NDUFA7: variants seen among roughly 807,000 people sequenced by gnomAD.
NDUFA7 encodes NADH:ubiquinone oxidoreductase subunit A7.
Under a neutral mutation model 14.2 loss-of-function variants are expected in NDUFA7, and 18 were observed. The ratio of observed to expected loss-of-function variants is 1.27; its 90% confidence interval spans 0.88 to 1.88. NDUFA7 has a LOEUF of 1.88. Among genes scored for constraint, NDUFA7 ranks in the 40% most tolerant of loss-of-function variants. The pLI, the probability that NDUFA7 is intolerant of heterozygous loss-of-function variation, is 0.00. For missense variants in NDUFA7, 172 were observed against 147.3 expected, an observed-to-expected ratio of 1.17 and a Z score of -0.87; for synonymous variants, 75 against 62.1, an observed-to-expected ratio of 1.21 and a Z score of -0.98.
At chr19:8,321,084 C>G (rs1970301362) in intron 1 of NDUFA7, 178 bp from the exon 2 acceptor site, 1 of 870,792 alleles carries the variant, frequency 1.1e-6, no homozygotes. Flanking sequence ...TCCGGGCCCA[C>G]AGATCCAAGG....
At chr19:8,318,266 T>C (rs1481816789) in intron 2 of NDUFA7, among the ~76,000 whole-genome samples, 2 of 152,058 alleles carry the variant, frequency 1.3e-5, no homozygotes, top group African/African-American at 2.4e-5. Flanking sequence ...TTTTCCTGCA[T>C]CAGCCTCCCA....
chr19:8,316,869 A>C, intron 2 of NDUFA7: 5 of 509,878 alleles, frequency 9.8e-6, no homozygotes, highest in South Asian at 5.0e-5. Flanking sequence ...TGAAGATGCC[A>C]CCCCCAGGGA....
At chr19:8,313,199 G>A (rs1022393653) in intron 3 of NDUFA7, among the ~76,000 whole-genome samples, 10 of 151,346 alleles carry the variant, frequency 6.6e-5, no homozygotes, top group Non-Finnish European at 1.5e-4. Flanking sequence ...GGGATTACAG[G>A]CACACACCAC....
rs958063271 is a variant in NDUFA7, at chr19:8,311,422, C to T, written c.*83G>A. 9.3e-6 allele frequency: 10 copies of T among 1,069,930 alleles called. No individual in the cohort carries two copies. The highest frequency in any genetic ancestry group is 2.6e-5 in the East Asian group (1 of 39,194). The allele number at this position is 1,069,930 out of a possible 1,614,324, so 66.3% of individuals were successfully genotyped here. A position where few individuals can be genotyped will look rare whatever the true frequency, so the allele number is the denominator to read the frequency against. ...AACTAGAAGTGATACCTGAGCTCTA[C>T]GTATTTGTCATAAATTAGGTCACAT... On this transcript the variant is annotated 3_prime_UTR_variant, in exon 4 of 4. Transcript: ENST00000301457.
At chr19:8,316,170 A>T (rs1402176568) in intron 3 of NDUFA7, among the ~76,000 whole-genome samples, 3 of 148,596 alleles carry the variant, frequency 2.0e-5, no homozygotes, top group Non-Finnish European at 4.4e-5. Context: ...AAAAAAAAAA[A>T]TTGACCCAGC....
intron 2 of NDUFA7, among the ~76,000 whole-genome samples, chr19:8,318,440 G>A (rs528591992): frequency 6.6e-6 from 1 of 152,068 alleles, no homozygotes; most frequent in Non-Finnish European, 1.5e-5. Flanking sequence ...GAGCCACCAT[G>A]CCCAGTCAGA....
intron 2 of NDUFA7, among the ~76,000 whole-genome samples, chr19:8,317,549 G>T (rs1970249899): frequency 6.6e-6 from 1 of 152,182 alleles, no homozygotes; most frequent in African/African-American, 2.4e-5. Context: ...GGGCTTTCCA[G>T]AGAGAGGGAG....
At chr19:8,319,988 C>T (rs1970282230) in intron 2 of NDUFA7, among the ~76,000 whole-genome samples, 1 of 151,912 alleles carries the variant, frequency 6.6e-6, no homozygotes, top group South Asian at 2.1e-4. Context: ...TGGGACTACC[C>T]GCGCGCGCCA....
chr19:8,318,041 A>C (rs946733153), intron 2 of NDUFA7, among the ~76,000 whole-genome samples: 1 of 152,062 alleles, frequency 6.6e-6, no homozygotes, highest in Non-Finnish European at 1.5e-5. Flanking sequence ...AAAATGTTTA[A>C]TATTAAAAGC....
chr19:8,310,787 CT>C (rs1970167914), downstream of NDUFA7: 1 of 151,606 alleles, frequency 6.6e-6, no homozygotes, highest in South Asian at 2.1e-4. Flanking sequence ...AATCCCAACA[CT>C]TTGGGAGGCC....
At chr19:8,314,040 G>A (rs1970207023) in intron 3 of NDUFA7, among the ~76,000 whole-genome samples, 1 of 152,206 alleles carries the variant, frequency 6.6e-6, no homozygotes, top group Non-Finnish European at 1.5e-5. Context: ...AAGAATACAT[G>A]GCTGGGCATG....
At chr19:8,309,279 C>G (rs1970146004), downstream of NDUFA7, among the ~76,000 whole-genome samples, 1 of 152,042 alleles carries the variant, frequency 6.6e-6, no homozygotes, top group Non-Finnish European at 1.5e-5. Flanking sequence ...TCTAAACCAG[C>G]CTGGCCAACA....
chr19:8,318,054 T>C (rs1039734166), intron 2 of NDUFA7, among the ~76,000 whole-genome samples: 4 of 152,038 alleles, frequency 2.6e-5, no homozygotes, highest in Non-Finnish European at 4.4e-5. Context: ...TTAAAAGCAA[T>C]ATATTATGTG....
intron 2 of NDUFA7, 116 bp downstream of exon 2, chr19:8,320,741 G>A: frequency 8.0e-7 from 1 of 1,256,914 alleles, no homozygotes; most frequent in Non-Finnish European, 1.2e-6. Flanking sequence ...CAGCCTGGCA[G>A]GGGACTGGTG....
intron 3 of NDUFA7, 54 bp downstream of exon 3, chr19:8,316,442 T>C: frequency 6.3e-7 from 1 of 1,592,328 alleles, no homozygotes; most frequent in East Asian, 2.3e-5. Context: ...GGAGACAGAG[T>C]GGGTTGCAGG....
chr19:8,313,104 T>C (rs1970196505), intron 3 of NDUFA7, among the ~76,000 whole-genome samples: 1 of 150,338 alleles, frequency 6.7e-6, no homozygotes, highest in Non-Finnish European at 1.5e-5. Context: ...GCCTAAAAAA[T>C]TTCTAATAGA....
intron 2 of NDUFA7, among the ~76,000 whole-genome samples, chr19:8,317,002 C>T (rs946446630): frequency 1.3e-5 from 2 of 152,170 alleles, no homozygotes. Context: ...TTGACTTTGT[C>T]CACTCTGAGT....
At chr19:8,309,921 G>T (rs952244939), downstream of NDUFA7, among the ~76,000 whole-genome samples, 2 of 152,170 alleles carry the variant, frequency 1.3e-5, no homozygotes, top group African/African-American at 4.8e-5. Flanking sequence ...CCTTCCTTCT[G>T]GGGCGAATTC....
intron 2 of NDUFA7, chr19:8,319,229 G>A (rs1229751436): frequency 6.6e-6 from 1 of 151,996 alleles, no homozygotes; most frequent in Admixed American, 6.6e-5. Context: ...GTTTACCTTT[G>A]TAACAAAACT....
Sources: allele counts gnomAD v4.1 joint callset (sites outside exome capture counted in the v4.1 genomes callset), GRCh38; gene constraint gnomAD v4.1.1; transcripts MANE v1.5; gene names NCBI Gene and HGNC (gene_info 2026-07-23, HGNC 2026-07-21).